The following LRFN2 variants were observed in gnomAD, a reference collection of about 807,000 sequenced individuals.
The protein encoded by LRFN2 is leucine-rich repeat and fibronectin type-III domain-containing protein 2.
A neutral mutation model predicts 37.3 loss-of-function variants in LRFN2; 18 were observed. The observed-to-expected ratio is 0.48, with a 90% CI of 0.33 to 0.72. The LOEUF is 0.72. Among genes scored for constraint, LRFN2 ranks in the 30% least tolerant of loss-of-function variants. The pLI, the probability that LRFN2 is intolerant of heterozygous loss-of-function variation, is 0.02. For synonymous variants in LRFN2, 556 were observed against 466.6 expected (o/e 1.19, Z -2.47); for missense variants, 1,006 against 1,060.7 (o/e 0.95, Z 0.72).
Position 40,527,533 on chromosome 6 carries a change from A to G in LRFN2, c.-19+59408T>C, listed in dbSNP as rs909579306. 8.5e-5 allele frequency among the ~76,000 whole-genome samples: 13 copies of G among 152,340 alleles called. No homozygotes were observed. The East Asian group carries it at 2.3e-3, about 27-fold the overall frequency. On this transcript the variant is annotated intron_variant, in intron 1 of 2. Transcript: ENST00000338305. ...TTCTAGGACCTCAAAGTCTCCAGTC[A>G]TGGAAGGAAGAGACCTGGAGCCACT... is the stretch of plus-strand genomic sequence containing the variant.
At chr6:40,469,769 G>A (rs1406320714) in intron 1 of LRFN2, among the ~76,000 whole-genome samples, 1 of 152,132 alleles carries the variant, frequency 6.6e-6, no homozygotes, top group Non-Finnish European at 1.5e-5. Flanking sequence ...CCTCTCTCAT[G>A]AACTACAGCT....
chr6:40,483,628 T>G (rs1764883760), intron 1 of LRFN2, among the ~76,000 whole-genome samples: 1 of 152,204 alleles, frequency 6.6e-6, no homozygotes, highest in Non-Finnish European at 1.5e-5. Context: ...CAGAACTTAC[T>G]CTTGCTGTCC....
chr6:40,396,237 G>T (rs1177831097), intron 2 of LRFN2, among the ~76,000 whole-genome samples: 2 of 152,078 alleles, frequency 1.3e-5, no homozygotes, highest in African/African-American at 4.8e-5. Context: ...AGAAACTGAG[G>T]CACAGAAAGG....
intron 1 of LRFN2, among the ~76,000 whole-genome samples, chr6:40,563,758 T>C (rs1039584815): frequency 6.6e-6 from 1 of 152,120 alleles, no homozygotes; most frequent in Non-Finnish European, 1.5e-5. Flanking sequence ...GATGTGGAAG[T>C]AGCTTCAGCC....
intron 1 of LRFN2, among the ~76,000 whole-genome samples, chr6:40,486,424 G>A (rs1226643859): frequency 2.0e-5 from 3 of 152,186 alleles, no homozygotes; most frequent in Non-Finnish European, 4.4e-5. Context: ...GAGCCCTGGA[G>A]TACAGAGATT....
At chr6:40,570,583 C>G (rs1427107816) in intron 1 of LRFN2, among the ~76,000 whole-genome samples, 1 of 152,130 alleles carries the variant, frequency 6.6e-6, no homozygotes, top group Non-Finnish European at 1.5e-5. Context: ...AAGAGAGAAG[C>G]AATAAACCAA....
intron 1 of LRFN2, among the ~76,000 whole-genome samples, chr6:40,509,662 C>A (rs764879465): frequency 7.5e-5 from 11 of 146,950 alleles, no homozygotes; most frequent in South Asian, 2.2e-4. Flanking sequence ...CACAGGACTG[C>A]GCAGGCAGTG....
chr6:40,413,491 A>G (rs1243147714), intron 2 of LRFN2, among the ~76,000 whole-genome samples: 1 of 152,304 alleles, frequency 6.6e-6, no homozygotes, highest in East Asian at 1.9e-4. Context: ...GCTCTTCCCC[A>G]GGCCTGTGCT....
chr6:40,557,363 G>T (rs931070358), intron 1 of LRFN2, among the ~76,000 whole-genome samples: 1 of 152,228 alleles, frequency 6.6e-6, no homozygotes, highest in African/African-American at 2.4e-5. Context: ...AGCTATGGGG[G>T]TTCAGAGATG....
At chr6:40,467,957 C>T (rs1192768383) in intron 1 of LRFN2, among the ~76,000 whole-genome samples, 3 of 152,154 alleles carry the variant, frequency 2.0e-5, no homozygotes, top group African/African-American at 4.8e-5. Flanking sequence ...TGAGGGTAGA[C>T]AGCCTCTGCT....
At chr6:40,472,196 C>A (rs1374897781) in intron 1 of LRFN2, among the ~76,000 whole-genome samples, 7 of 152,220 alleles carry the variant, frequency 4.6e-5, no homozygotes, top group Non-Finnish European at 7.3e-5. Context: ...TTCCCTCCAC[C>A]TTCCCTCCAG....
chr6:40,418,873 C>T (rs1379493399), intron 2 of LRFN2, among the ~76,000 whole-genome samples: 1 of 152,338 alleles, frequency 6.6e-6, no homozygotes, highest in East Asian at 1.9e-4. Flanking sequence ...GTGTGACATT[C>T]AAGGCTATCC....
chr6:40,478,376 A>G (rs1320131552), intron 1 of LRFN2, among the ~76,000 whole-genome samples: 1 of 152,216 alleles, frequency 6.6e-6, no homozygotes, highest in Non-Finnish European at 1.5e-5. Context: ...ATATTTGTAT[A>G]TGTTTACTCT....
At chr6:40,493,795 G>A (rs114267536) in intron 1 of LRFN2, among the ~76,000 whole-genome samples, 2 of 152,164 alleles carry the variant, frequency 1.3e-5, no homozygotes, top group African/African-American at 4.8e-5. Context: ...GGTCAATCCT[G>A]CCTTATCCCC....
rs1376229871 is a variant in LRFN2, at chr6:40,556,751, A to ACG, written c.-19+30188_-19+30189dup. Among the ~76,000 whole-genome samples the ACG allele has an allele frequency of 1.2e-3, 161 of 133,066 alleles. 1 individual carries two copies. The highest frequency in any genetic ancestry group is 4.7e-3 in the African/African-American group (156 of 33,122). 87.3% of individuals were successfully genotyped at this position (133,066 alleles called of 152,430 possible). ...CACACACACACACACACACACACAC[A>ACG]CGCACACACTCCTACTGATGCTCTT... On this transcript the variant is annotated intron_variant, in intron 1 of 2. Transcript: ENST00000338305.
At chr6:40,405,245 G>A (rs1273557907) in intron 2 of LRFN2, among the ~76,000 whole-genome samples, 1 of 152,238 alleles carries the variant, frequency 6.6e-6, no homozygotes, top group African/African-American at 2.4e-5. Context: ...ATTAGCAAGA[G>A]AAGCTGAAGA....
At chr6:40,404,577 C>T (rs1239725094) in intron 2 of LRFN2, among the ~76,000 whole-genome samples, 1 of 152,218 alleles carries the variant, frequency 6.6e-6, no homozygotes, top group Non-Finnish European at 1.5e-5. Flanking sequence ...GACAGTGCCA[C>T]TGTGTGACAT....
intron 1 of LRFN2, among the ~76,000 whole-genome samples, chr6:40,510,085 G>A (rs1173089235): frequency 1.3e-5 from 2 of 150,490 alleles, no homozygotes; most frequent in African/African-American, 2.5e-5. Flanking sequence ...GGTATGCCAC[G>A]GAACACTGGG....
intron 1 of LRFN2, among the ~76,000 whole-genome samples, chr6:40,542,582 T>C (rs1360166578): frequency 6.6e-6 from 1 of 152,048 alleles, no homozygotes; most frequent in Non-Finnish European, 1.5e-5. Flanking sequence ...AGGCTGCCAG[T>C]GGGGGCTCTG....
Sources: allele counts gnomAD v4.1 joint callset (sites outside exome capture counted in the v4.1 genomes callset), GRCh38; gene constraint gnomAD v4.1.1; transcripts MANE v1.5; gene names NCBI Gene and HGNC (gene_info 2026-07-23, HGNC 2026-07-21).